The following NLRP11 variants were observed in gnomAD, a reference collection of about 807,000 sequenced individuals.
NLRP11 encodes the protein NLR family pyrin domain containing 11.
A neutral mutation model predicts 79.3 loss-of-function variants in NLRP11; 53 were observed. The ratio of observed to expected loss-of-function variants is 0.67; its 90% CI spans 0.54 to 0.84. The LOEUF (loss-of-function observed/expected upper bound fraction) is 0.84, where lower values mean the gene tolerates loss of function less well. NLRP11 is among the 40% of genes least tolerant of loss of function. The pLI, the probability that NLRP11 is intolerant of heterozygous loss-of-function variation, is 0.00. For missense variants in NLRP11, 1,264 were observed against 1,255.0 expected (o/e 1.01, Z -0.11); for synonymous variants, 518 against 462.6 (o/e 1.12, Z -1.54).
intron 1 of NLRP11, among the ~76,000 whole-genome samples, chr19:55,823,027 A>G (rs1484185127): frequency 6.7e-6 from 1 of 150,346 alleles, no homozygotes; most frequent in Non-Finnish European, 1.5e-5. Flanking sequence ...GACAGCTTTG[A>G]AGAGAGCAGT....
chr19:55,819,953 C>A (rs1210405220), intron 1 of NLRP11, among the ~76,000 whole-genome samples: 1 of 152,142 alleles, frequency 6.6e-6, no homozygotes, highest in Non-Finnish European at 1.5e-5. Flanking sequence ...GATCTGACTC[C>A]ATCGTGGCCA....
exon 8 of NLRP11, chr19:55,789,252 G>A: frequency 6.2e-7 from 1 of 1,613,104 alleles, no homozygotes; most frequent in Non-Finnish European, 8.5e-7. Context: ...ACATGCAGTT[G>A]GGATGTCTCA....
At chr19:55,787,564 C>T (rs996566279) in intron 9 of NLRP11, among the ~76,000 whole-genome samples, 15 of 152,058 alleles carry the variant, frequency 9.9e-5, no homozygotes, top group Middle Eastern at 3.2e-3. Context: ...CTCAAACTTC[C>T]GACCTCAAGT....
At chr19:55,831,508 G>T (rs751784141) in intron 1 of NLRP11, among the ~76,000 whole-genome samples, 1 of 152,114 alleles carries the variant, frequency 6.6e-6, no homozygotes, top group African/African-American at 2.4e-5. Flanking sequence ...GTTGCAGTGC[G>T]CTGAGATCAC....
At chr19:55,793,980 G>A (rs1435388920) in intron 6 of NLRP11, among the ~76,000 whole-genome samples, 2 of 152,114 alleles carry the variant, frequency 1.3e-5, no homozygotes, top group African/African-American at 4.8e-5. Context: ...CCTTTTACAG[G>A]TGTTTTCCTC....
At chr19:55,785,513 AC>A in exon 10 of NLRP11, 1 of 890,696 alleles carries the variant, frequency 1.1e-6, no homozygotes, top group South Asian at 1.7e-5. Flanking sequence ...ACACACACAC[AC>A]ACACACACAC....
chr19:55,831,095 G>C (rs899387991), intron 1 of NLRP11, among the ~76,000 whole-genome samples: 2,584 of 77,534 alleles, frequency 0.033, no homozygotes, highest in Admixed American at 0.062. Flanking sequence ...AAGACCCACC[G>C]CCCCACCCCC....
At chr19:55,815,039 G>A (rs547622412) in intron 2 of NLRP11, among the ~76,000 whole-genome samples, 2 of 152,220 alleles carry the variant, frequency 1.3e-5, no homozygotes, top group South Asian at 2.1e-4. Flanking sequence ...AAGCATGTAG[G>A]TATGGAAGGA....
At chr19:55,817,214 A>AAC (rs1278935530) in intron 2 of NLRP11, among the ~76,000 whole-genome samples, 1 of 152,190 alleles carries the variant, frequency 6.6e-6, no homozygotes, top group Non-Finnish European at 1.5e-5. Flanking sequence ...GTAAAAAGGG[A>AAC]ACACTTTTAC....
intron 5 of NLRP11, 140 bp from the exon 6 acceptor site, chr19:55,796,390 C>G (rs999340930): frequency 1.4e-6 from 1 of 719,572 alleles, no homozygotes; most frequent in Non-Finnish European, 2.2e-6. Context: ...TTGCTTCTAA[C>G]CTTTCTTCTC....
At chr19:55,800,349 A>G (rs973487023) in intron 5 of NLRP11, among the ~76,000 whole-genome samples, 5 of 152,176 alleles carry the variant, frequency 3.3e-5, no homozygotes, top group African/African-American at 1.2e-4. Context: ...CTTGTTGCCC[A>G]GGCTGGAACG....
intron 7 of NLRP11, 64 bp downstream of exon 7, chr19:55,792,237 C>T (rs185930711): frequency 1.7e-5 from 25 of 1,440,642 alleles, no homozygotes; most frequent in Non-Finnish European, 2.1e-5. Context: ...CTGCCACCAA[C>T]CCCACCACCC....
At chr19:55,831,713 A>G (rs925648470) in intron 1 of NLRP11, among the ~76,000 whole-genome samples, 1 of 151,978 alleles carries the variant, frequency 6.6e-6, no homozygotes, top group Non-Finnish European at 1.5e-5. Context: ...CATGCTGCAC[A>G]CACTACATGC....
chr19:55,817,204 G>A (rs1226913126), intron 2 of NLRP11, among the ~76,000 whole-genome samples: 3 of 152,128 alleles, frequency 2.0e-5, no homozygotes, highest in African/African-American at 7.2e-5. Flanking sequence ...TATGGATGTG[G>A]TAAAAAGGGA....
intron 5 of NLRP11, 91 bp from the exon 6 acceptor site, chr19:55,796,341 C>A: frequency 2.9e-6 from 3 of 1,021,916 alleles, no homozygotes; most frequent in Middle Eastern, 3.2e-4. Context: ...GAGACCTAAC[C>A]AAGTGCGATG....
Position 55,829,669 on chromosome 19 carries a change from A to AT in NLRP11, c.-63+2293_-63+2294insA, listed in dbSNP as rs1341078372. ...GCGAGACTCCGTCTCAAAAAAAAAA[A>AT]AAAAAAAAAAAAAAAATCGTACTTT... is the stretch of plus-strand genomic sequence containing the variant. On this transcript the variant is annotated intron_variant, in intron 1 of 9. Transcript: ENST00000589093. Among the ~76,000 whole-genome samples the AT allele has an allele frequency of 2.3e-3, 351 of 151,606 alleles. 2 individuals are homozygous for AT. Among genetic ancestry groups the AT allele is most frequent in the African/African-American group, 8.0e-3 (332 of 41,292 alleles).
At chr19:55,821,239 ACACACACACAC>A (rs879770631) in intron 1 of NLRP11, among the ~76,000 whole-genome samples, 3,677 of 128,082 alleles carry the variant, frequency 0.029, 44 homozygotes, top group African/African-American at 0.053. Context: ...ACACACACAC[ACACACACACAC>A]CCCAAGCACT....
chr19:55,813,186 G>A (rs148499355), intron 2 of NLRP11, among the ~76,000 whole-genome samples: 7,681 of 152,124 alleles, frequency 0.05, 237 homozygotes, highest in Middle Eastern at 0.071. Flanking sequence ...AAATTAGCCC[G>A]GCATGGTGGC....
At chr19:55,786,519 T>C (rs561251192) in intron 9 of NLRP11, among the ~76,000 whole-genome samples, 2 of 147,730 alleles carry the variant, frequency 1.4e-5, no homozygotes, top group East Asian at 1.9e-4. Context: ...AGACCCTAAC[T>C]AGAAAAAAAA....
Sources: allele counts gnomAD v4.1 joint callset (sites outside exome capture counted in the v4.1 genomes callset), GRCh38; gene constraint gnomAD v4.1.1; transcripts MANE v1.5; gene names NCBI Gene and HGNC (gene_info 2026-07-23, HGNC 2026-07-21).